SNX24: variants seen among roughly 807,000 people sequenced by gnomAD.
The protein encoded by SNX24 is sorting nexin-24.
Under a neutral mutation model 28.7 loss-of-function variants are expected in SNX24, and 22 were observed. The ratio of observed to expected loss-of-function variants is 0.77; its 90% CI spans 0.55 to 1.10. SNX24 has a LOEUF of 1.10. Among genes scored for constraint, SNX24 ranks in the 50% least tolerant of loss-of-function variants. The pLI is 0.00. For missense variants in SNX24, 221 were observed against 201.1 expected (o/e 1.10, Z -0.60); for synonymous variants, 69 against 71.5 (o/e 0.96, Z 0.18).
chr5:122,912,637 C>T (rs1481796016), intron 1 of SNX24, among the ~76,000 whole-genome samples: 12 of 151,866 alleles, frequency 7.9e-5, no homozygotes, highest in Middle Eastern at 3.4e-3. Flanking sequence ...TTTTGAGATA[C>T]GTCCCATCAA....
chr5:122,956,352 GAAA>G (rs150072652), intron 3 of SNX24, among the ~76,000 whole-genome samples: 1 of 143,610 alleles, frequency 7.0e-6, no homozygotes, highest in Admixed American at 6.9e-5. Context: ...AAACACTTGG[GAAA>G]AAAAAAATAT....
intron 3 of SNX24, among the ~76,000 whole-genome samples, chr5:122,968,677 C>T (rs1760819278): frequency 6.6e-6 from 1 of 152,176 alleles, no homozygotes. Flanking sequence ...TTTTCAGTCA[C>T]TGTTGAACAC....
chr5:122,973,616 C>G (rs1377229639), intron 3 of SNX24, among the ~76,000 whole-genome samples: 1 of 152,190 alleles, frequency 6.6e-6, no homozygotes, highest in Non-Finnish European at 1.5e-5. Context: ...CCTGCTCAAG[C>G]CTGATTACGT....
chr5:123,011,209 GA>G (rs145977285), downstream of SNX24, among the ~76,000 whole-genome samples: 120 of 150,112 alleles, frequency 8.0e-4, no homozygotes, highest in Admixed American at 3.1e-3. Context: ...GAAGGAAAAG[GA>G]AAAAAAAAAT....
At chr5:122,879,285 A>G (rs1191449013) in intron 1 of SNX24, among the ~76,000 whole-genome samples, 3 of 152,222 alleles carry the variant, frequency 2.0e-5, no homozygotes, top group African/African-American at 4.8e-5. Flanking sequence ...AGGCAGATTT[A>G]GAGAATAGGA....
At chr5:122,870,924 G>T (rs1465075105) in intron 1 of SNX24, among the ~76,000 whole-genome samples, 1 of 152,156 alleles carries the variant, frequency 6.6e-6, no homozygotes, top group African/African-American at 2.4e-5. Context: ...CTAAAACCAT[G>T]GTGCTCATCC....
chr5:122,905,214 A>T (rs1415554319), intron 1 of SNX24, among the ~76,000 whole-genome samples: 1 of 152,126 alleles, frequency 6.6e-6, no homozygotes, highest in Non-Finnish European at 1.5e-5. Flanking sequence ...TCCTGAGGTT[A>T]TCAGCTAGGG....
chr5:122,935,478 G>A (rs1011689350), intron 1 of SNX24, among the ~76,000 whole-genome samples: 5 of 151,764 alleles, frequency 3.3e-5, no homozygotes, highest in Admixed American at 1.3e-4. Context: ...TTTATTCAGG[G>A]GTATTTCTTG....
chr5:122,970,047 A>G (rs771494080), intron 3 of SNX24, among the ~76,000 whole-genome samples: 13 of 151,920 alleles, frequency 8.6e-5, no homozygotes, highest in Non-Finnish European at 1.8e-4. Context: ...TGATTAGTCA[A>G]AAGAGTGCCT....
At chr5:122,980,576 T>C (rs1761349485) in intron 3 of SNX24, among the ~76,000 whole-genome samples, 1 of 151,840 alleles carries the variant, frequency 6.6e-6, no homozygotes. Context: ...AGTAGAAAAC[T>C]CAACTAATTT....
At chr5:122,972,163 T>C (rs984974712) in intron 3 of SNX24, among the ~76,000 whole-genome samples, 20 of 152,354 alleles carry the variant, frequency 1.3e-4, no homozygotes, top group Admixed American at 1.2e-3. Context: ...GAGCTCATAG[T>C]GTCCAGATGG....
At chr5:122,904,849 T>C (rs1757582570) in intron 1 of SNX24, among the ~76,000 whole-genome samples, 2 of 152,168 alleles carry the variant, frequency 1.3e-5, no homozygotes, top group African/African-American at 4.8e-5. Context: ...GAAAAAAATA[T>C]GCCACCACTT....
chr5:123,023,755 A>T, intron 5 of SNX24: 1 of 1,381,098 alleles, frequency 7.2e-7, no homozygotes, highest in Non-Finnish European at 9.5e-7. Context: ...GATCTGGGAT[A>T]GAATACAAAA....
At chr5:123,013,676 G>A (rs531074350), downstream of SNX24, among the ~76,000 whole-genome samples, 2 of 152,192 alleles carry the variant, frequency 1.3e-5, no homozygotes, top group African/African-American at 4.8e-5. Context: ...TGTAAATCTG[G>A]CCTATAAAAT....
intron 1 of SNX24, among the ~76,000 whole-genome samples, chr5:122,889,651 GTA>G (rs201280246): frequency 1.4e-5 from 2 of 141,026 alleles, no homozygotes; most frequent in African/African-American, 5.3e-5. Flanking sequence ...ACATACATAT[GTA>G]TATATATGTG....
intron 1 of SNX24, among the ~76,000 whole-genome samples, chr5:122,873,264 T>C (rs1756065656): frequency 6.6e-6 from 1 of 152,162 alleles, no homozygotes; most frequent in African/African-American, 2.4e-5. Flanking sequence ...CATGAGACCA[T>C]ACCCAGTCCA....
At chr5:122,874,359 C>T (rs925163751) in intron 1 of SNX24, among the ~76,000 whole-genome samples, 1 of 152,178 alleles carries the variant, frequency 6.6e-6, no homozygotes, top group African/African-American at 2.4e-5. Flanking sequence ...CTTTCACAAC[C>T]TTGGGTTGGT....
intron 3 of SNX24, among the ~76,000 whole-genome samples, chr5:122,947,375 G>A (rs1759732251): frequency 6.6e-6 from 1 of 152,098 alleles, no homozygotes; most frequent in South Asian, 2.1e-4. Context: ...GAAATTCAGA[G>A]GACTATCTCT....
chr5:122,984,179 G>A (rs1761501505), intron 3 of SNX24, among the ~76,000 whole-genome samples: 1 of 152,086 alleles, frequency 6.6e-6, no homozygotes, highest in African/African-American at 2.4e-5. Context: ...TCTGTTGGAA[G>A]CTGTAACTTG....
Sources: allele counts gnomAD v4.1 joint callset (sites outside exome capture counted in the v4.1 genomes callset), GRCh38; gene constraint gnomAD v4.1.1; transcripts MANE v1.5; gene names NCBI Gene and HGNC (gene_info 2026-07-23, HGNC 2026-07-21).